The following TMEM63B variants were observed in gnomAD, a reference collection of about 807,000 sequenced individuals.
TMEM63B encodes mechanosensitive cation channel TMEM63B.
Under a neutral mutation model 102.6 loss-of-function variants are expected in TMEM63B, and 23 were observed. The observed-to-expected ratio is 0.22, with a 90% CI of 0.16 to 0.32. TMEM63B has a LOEUF of 0.32. TMEM63B is among the 10% of genes least tolerant of loss of function. TMEM63B has a pLI of 1.00. For missense variants in TMEM63B, 628 were observed against 1,095.9 expected (o/e 0.57, Z 6.03); for synonymous variants, 444 against 437.0 (o/e 1.02, Z -0.20).
intron 8 of TMEM63B, 73 bp from the exon 9 acceptor site, chr6:44,140,175 CACTG>C: frequency 2.5e-6 from 3 of 1,178,420 alleles, no homozygotes; most frequent in Non-Finnish European, 3.7e-6. Flanking sequence ...AAGGGTTTAA[CACTG>C]ACAGGCTGAG....
Position 44,152,725 on chromosome 6 carries a change from G to A in TMEM63B, c.1942+27G>A. On this transcript the variant is annotated intron_variant, in intron 20 of 23. Transcript: ENST00000323267. This position sits in a 1 kb window ranked among gnomAD's most constrained non-coding sequence, Gnocchi z 6.4. ...TAGGCACCGCCGCGCCGGGACCTGG[G>A]CCCTGCTCGGGGGGACCCAGGACTT... The A allele has an allele frequency of 6.3e-7, 1 of 1,576,624 alleles. No individual in the cohort carries two copies. The highest frequency in any genetic ancestry group is 8.6e-7 in the Non-Finnish European group (1 of 1,156,194).
intron 1 of TMEM63B, among the ~76,000 whole-genome samples, chr6:44,128,559 C>T (rs965961586): frequency 6.6e-6 from 1 of 152,236 alleles, no homozygotes; most frequent in Non-Finnish European, 1.5e-5. Flanking sequence ...GGCTGGCTGC[C>T]CTTGGGGCGC....
At position 44,135,234 on chromosome 6, in the gene TMEM63B, G is replaced by A. The variant is rs1582768997; in HGVS notation, c.240-94G>A. On this transcript the variant is annotated intron_variant, in intron 3 of 23. Coordinates refer to ENST00000323267, the MANE Select transcript of TMEM63B (RefSeq NM_018426.3). Reference sequence around the variant, plus strand: ...AGGGACTAGCCCCAATGTGGGCATGGGGGCATGAGGGCCCTAAGTTGGGCC... The same window carrying A: ...AGGGACTAGCCCCAATGTGGGCATGAGGGCATGAGGGCCCTAAGTTGGGCC... The A allele has an allele frequency of 2.6e-6, 4 of 1,565,172 alleles. No homozygotes were observed. The African/African-American group carries it at 5.4e-5, about 21-fold the overall frequency.
Position 44,139,691 on chromosome 6 carries a change from C to A in TMEM63B, c.551-17C>A. 6.2e-7 allele frequency: 1 copy of A among 1,614,152 alleles called. No individual in the cohort carries two copies. On this transcript the variant is annotated splice_polypyrimidine_tract_variant and intron_variant, in intron 7 of 23. Transcript: ENST00000323267. ...CCCTGACCCCACCATCATCCTCTCC[C>A]TCTTCCCACCCCACAGAGAACAATG...
intron 4 of TMEM63B, 75 bp downstream of exon 4, chr6:44,135,441 C>T (rs1762752467): frequency 6.6e-7 from 1 of 1,523,208 alleles, no homozygotes; most frequent in Non-Finnish European, 8.9e-7. Context: ...CTCTTCTCTT[C>T]CTGCCAAGTT....
intron 1 of TMEM63B, among the ~76,000 whole-genome samples, chr6:44,130,133 A>G (rs1011479041): frequency 6.6e-6 from 1 of 152,238 alleles, no homozygotes; most frequent in Non-Finnish European, 1.5e-5. Flanking sequence ...GTGGTAACTG[A>G]CTGCCTCCGG....
intron 2 of TMEM63B, 75 bp downstream of exon 2, chr6:44,134,818 C>T: frequency 6.5e-7 from 1 of 1,532,144 alleles, no homozygotes; most frequent in Admixed American, 1.9e-5. Flanking sequence ...CAGCTCTAAC[C>T]ACTCTCCCAC....
Position 44,141,020 on chromosome 6 carries a change from T to C in TMEM63B, c.712-8T>C. Reference sequence around the variant, plus strand: ...CTCAGAAGGCAAACCCACTCCCCTGTCACCCAGGTGAAGCGGACCCTCTTC... The same window carrying C: ...CTCAGAAGGCAAACCCACTCCCCTGCCACCCAGGTGAAGCGGACCCTCTTC... On this transcript the variant is annotated splice_region_variant and splice_polypyrimidine_tract_variant and intron_variant, in intron 9 of 23. Transcript: ENST00000323267. 3 of 1,613,938 alleles carry C rather than the reference T, an allele frequency of 1.9e-6. No individual in the cohort carries two copies. Among genetic ancestry groups the C allele is most frequent in the South Asian group, 1.1e-5 (1 of 91,080 alleles).
chr6:44,153,531 C>T (rs1767267807), intron 20 of TMEM63B, 145 bp from the exon 21 acceptor site: 2 of 772,978 alleles, frequency 2.6e-6, no homozygotes, highest in Non-Finnish European at 4.0e-6. Flanking sequence ...CACGCTGGGG[C>T]ACGGGGCACT....
At chr6:44,145,764 C>T (rs1765258077) in intron 10 of TMEM63B, among the ~76,000 whole-genome samples, 1 of 152,036 alleles carries the variant, frequency 6.6e-6, no homozygotes, top group East Asian at 1.9e-4. Context: ...AACAAGACCC[C>T]ATCTCAGAAT....
chr6:44,141,242 C>A, intron 10 of TMEM63B, 144 bp downstream of exon 10: 1 of 862,854 alleles, frequency 1.2e-6, no homozygotes, highest in Non-Finnish European at 1.7e-6. Flanking sequence ...ATGTCCGATT[C>A]CAGGGTGGTT....
At chr6:44,135,444 G>T (rs546675892) in intron 4 of TMEM63B, 78 bp downstream of exon 4, 6 of 1,514,676 alleles carry the variant, frequency 4.0e-6, no homozygotes, top group African/African-American at 2.8e-5. Flanking sequence ...TTCTCTTCCT[G>T]CCAAGTTGCT....
intron 18 of TMEM63B, 143 bp from the exon 19 acceptor site, chr6:44,151,702 AG>A (rs1485377898): frequency 1.1e-6 from 1 of 932,908 alleles, no homozygotes; most frequent in Non-Finnish European, 1.6e-6. Flanking sequence ...AACAGGGCAC[AG>A]GTGCTTGGGG....
chr6:44,154,103 T>A lies in TMEM63B; in HGVS notation c.2141T>A (p.Phe714Tyr). The A allele has an allele frequency of 2.5e-6, 4 of 1,614,128 alleles. No homozygotes were observed. The highest frequency in any genetic ancestry group is 3.4e-6 in the Non-Finnish European group (4 of 1,179,990). The change falls in exon 22 of 24, where the codon TTT becomes TAT. Residue 714 changes from phenylalanine to tyrosine, a missense_variant. Coordinates refer to ENST00000323267, the MANE Select transcript of TMEM63B (RefSeq NM_018426.3). Reference protein sequence around the residue: ...GFLAPTSMFTFVVLVITIVIC... With the variant: ...GFLAPTSMFTYVVLVITIVIC... ...CTAGCTCCCACGTCTATGTTCACATTTGTGGTCCTGGTCATCACCATCGTC... is the reference window on the plus strand; with the variant it reads ...CTAGCTCCCACGTCTATGTTCACATATGTGGTCCTGGTCATCACCATCGTC...
chr6:44,143,030 A>G (rs1329644404), intron 10 of TMEM63B, among the ~76,000 whole-genome samples: 2 of 152,142 alleles, frequency 1.3e-5, no homozygotes, highest in African/African-American at 2.4e-5. Context: ...AAAGTAAAGA[A>G]TCAAGGTTTA....
At chr6:44,149,225 C>A in intron 15 of TMEM63B, 1 of 514,370 alleles carries the variant, frequency 1.9e-6, no homozygotes, top group Admixed American at 3.2e-5. Flanking sequence ...TTCCCTCACC[C>A]CTCAGTCTAA....
chr6:44,137,555 G>T (rs979911511), intron 5 of TMEM63B, among the ~76,000 whole-genome samples: 10 of 152,178 alleles, frequency 6.6e-5, no homozygotes, highest in Admixed American at 6.5e-4. Flanking sequence ...CGGCCGAAAG[G>T]CACCTTTCTA....
At position 44,133,454 on chromosome 6, in the gene TMEM63B, G is replaced by A. The variant is rs896120567; in HGVS notation, c.-24-1107G>A. The stretch of plus-strand genomic sequence containing the variant: ...GACCTCCTCCCCTGCTCCACAGCCC[G>A]CCCCCGAGGCAGAGCTTCAGTGTTG... On this transcript the variant is annotated intron_variant, in intron 1 of 23. Transcript: ENST00000323267. Among the ~76,000 whole-genome samples the A allele has an allele frequency of 4.6e-5, 7 of 152,078 alleles. No homozygotes were observed. The South Asian group carries it at 6.2e-4, about 14-fold the overall frequency.
At chr6:44,138,714 T>G in intron 6 of TMEM63B, 197 bp downstream of exon 6, 1 of 423,938 alleles carries the variant, frequency 2.4e-6, no homozygotes, top group Non-Finnish European at 4.4e-6. Flanking sequence ...GACCCCATAA[T>G]CTCCTCTGTG....
Sources: allele counts gnomAD v4.1 joint callset (sites outside exome capture counted in the v4.1 genomes callset), GRCh38; gene constraint gnomAD v4.1.1; non-coding constraint Gnocchi (gnomAD v3.1); transcripts MANE v1.5; gene names NCBI Gene and HGNC (gene_info 2026-07-23, HGNC 2026-07-21).